The following SORCS1 variants were observed in gnomAD, a reference collection of about 807,000 sequenced individuals.
SORCS1 encodes the protein sortilin related VPS10 domain containing receptor 1.
Under a neutral mutation model 146.1 loss-of-function variants are expected in SORCS1, and 60 were observed. That is an observed-to-expected ratio of 0.41 (90% CI 0.33 to 0.51). The LOEUF (loss-of-function observed/expected upper bound fraction) is 0.51. Ranked by LOEUF, SORCS1 falls within the 20% of genes least tolerant of loss-of-function variation. SORCS1 has a pLI of 0.21. For synonymous variants in SORCS1, 637 were observed against 584.0 expected (o/e 1.09, Z -1.31); for missense variants, 1,352 against 1,487.6 (o/e 0.91, Z 1.50).
chr10:107,024,003 G>A (rs1310210497), intron 1 of SORCS1, among the ~76,000 whole-genome samples: 4 of 152,004 alleles, frequency 2.6e-5, no homozygotes, highest in South Asian at 2.1e-4. Flanking sequence ...GTGAAACCAC[G>A]TCTCTACTAA....
At chr10:106,887,407 G>A (rs1951041601) in intron 2 of SORCS1, among the ~76,000 whole-genome samples, 1 of 152,080 alleles carries the variant, frequency 6.6e-6, no homozygotes, top group Non-Finnish European at 1.5e-5. Context: ...GGATTAGAGA[G>A]TTATCAGAAA....
At chr10:106,709,365 A>T in intron 6 of SORCS1, 24 bp from the exon 7 acceptor site, 1 of 1,508,916 alleles carries the variant, frequency 6.6e-7, no homozygotes, top group Non-Finnish European at 9.2e-7. Context: ...ACAAAAACAA[A>T]AACATGGGGT....
intron 18 of SORCS1, among the ~76,000 whole-genome samples, chr10:106,631,301 C>A (rs566640242): frequency 6.6e-6 from 1 of 152,288 alleles, no homozygotes; most frequent in East Asian, 1.9e-4. Flanking sequence ...ATATCCAAAG[C>A]CCAGACATTG....
the SORCS1 span, among the ~76,000 whole-genome samples, chr10:107,171,477 G>A: frequency 1.4e-5 from 2 of 145,986 alleles, no homozygotes; most frequent in Non-Finnish European, 3.0e-5. Context: ...TTTGCAGCTT[G>A]AGAAATTAAC....
chr10:106,801,354 C>T (rs1028831202), intron 3 of SORCS1, among the ~76,000 whole-genome samples: 2 of 151,894 alleles, frequency 1.3e-5, no homozygotes, highest in Non-Finnish European at 2.9e-5. Context: ...TCTAAATGTG[C>T]TTTATATATT....
In SORCS1 at chr10:106,851,229, T is replaced by C. The variant is rs1949557618; in HGVS notation, c.627-21556A>G. Among the ~76,000 whole-genome samples, 3 of 152,356 alleles carry C rather than the reference T, an allele frequency of 2.0e-5. 1 individual carries two copies. In the South Asian group the frequency reaches 6.2e-4, roughly 32 times the overall value. Reference sequence around the variant, plus strand: ...AAGTCTGGATTACCCATTTTTTTCATAGATTGTGACTTTGGTCTTGTATGT... The same window carrying C: ...AAGTCTGGATTACCCATTTTTTTCACAGATTGTGACTTTGGTCTTGTATGT... On this transcript the variant is annotated intron_variant, in intron 2 of 25. Transcript: ENST00000263054.
chr10:106,943,312 A>T (rs1954146924), intron 2 of SORCS1, among the ~76,000 whole-genome samples: 1 of 151,762 alleles, frequency 6.6e-6, no homozygotes, highest in Non-Finnish European at 1.5e-5. Context: ...GGAACTGGGG[A>T]TCTCCTCAGT....
At chr10:106,644,848 C>A (rs545336984) in intron 18 of SORCS1, among the ~76,000 whole-genome samples, 1 of 152,142 alleles carries the variant, frequency 6.6e-6, no homozygotes, top group South Asian at 2.1e-4. Flanking sequence ...TGTAAATATA[C>A]TGTAGTTTAT....
intron 24 of SORCS1, among the ~76,000 whole-genome samples, chr10:106,589,681 T>C (rs1162334910): frequency 6.8e-6 from 1 of 147,652 alleles, no homozygotes; most frequent in South Asian, 2.1e-4. Flanking sequence ...CCACCAAATT[T>C]ATCGTCTTTG....
intron 5 of SORCS1, among the ~76,000 whole-genome samples, chr10:106,734,970 AC>A (rs1318905228): frequency 3.3e-5 from 5 of 152,018 alleles, no homozygotes; most frequent in African/African-American, 1.2e-4. Context: ...ACATGGCAAA[AC>A]CCCGTCTCTA....
chr10:107,038,029 G>A (rs1021663860), intron 1 of SORCS1, among the ~76,000 whole-genome samples: 2 of 152,072 alleles, frequency 1.3e-5, no homozygotes, highest in Non-Finnish European at 2.9e-5. Context: ...GTTTCACCAT[G>A]TTAGGCTGGT....
chr10:106,693,472 T>C (rs1853452926), intron 9 of SORCS1, among the ~76,000 whole-genome samples: 4 of 152,180 alleles, frequency 2.6e-5, no homozygotes, highest in South Asian at 2.1e-4. Flanking sequence ...ATCAGAATGT[T>C]CTACTCAAAG....
chr10:106,972,778 G>C (rs565304394), intron 1 of SORCS1, among the ~76,000 whole-genome samples: 2 of 152,188 alleles, frequency 1.3e-5, no homozygotes, highest in Non-Finnish European at 2.9e-5. Flanking sequence ...GCTAGATGCA[G>C]GTAGGGACCT....
Position 107,078,879 on chromosome 10 carries a change from G to A in SORCS1, c.558+85090C>T, listed in dbSNP as rs1267343201. Among the ~76,000 whole-genome samples the A allele has an allele frequency of 3.9e-5, 6 of 152,144 alleles. No individual in the cohort carries two copies. In the East Asian group the frequency reaches 9.6e-4, roughly 24 times the overall value. ...GTCAGCTGTCACATTTTATCTTACT[G>A]TATTTTTCACAAATTACACAAAAGG... On this transcript the variant is annotated intron_variant, in intron 1 of 25. Coordinates refer to ENST00000263054, the MANE Select transcript of SORCS1 (RefSeq NM_052918.5).
chr10:107,034,689 A>AAAC (rs1284688364), intron 1 of SORCS1, among the ~76,000 whole-genome samples: 6 of 143,872 alleles, frequency 4.2e-5, no homozygotes, highest in South Asian at 2.2e-4. Context: ...TCAAAAAAAA[A>AAAC]AAAAAAAAAA....
At chr10:106,963,109 AATTTTTTT>A (rs2139086813) in intron 1 of SORCS1, among the ~76,000 whole-genome samples, 1 of 62,078 alleles carries the variant, frequency 1.6e-5, no homozygotes, top group African/African-American at 4.7e-5. Context: ...CAATGGCCAG[AATTTTTTT>A]TTTTTTTTTT....
intron 17 of SORCS1, among the ~76,000 whole-genome samples, chr10:106,664,402 G>T (rs9421000): frequency 0.66 from 99,720 of 152,004 alleles, 37,127 homozygotes; most frequent in Non-Finnish European, 0.85. Flanking sequence ...CAGCACTTTG[G>T]GAGGCTGAGG....
chr10:106,602,933 T>C (rs1334110912), intron 23 of SORCS1, among the ~76,000 whole-genome samples: 1 of 152,218 alleles, frequency 6.6e-6, no homozygotes, highest in Non-Finnish European at 1.5e-5. Context: ...CTGCCTTTCC[T>C]TTCTTCCTTA....
intron 18 of SORCS1, among the ~76,000 whole-genome samples, chr10:106,640,646 C>T (rs1006188194): frequency 6.6e-6 from 1 of 152,180 alleles, no homozygotes; most frequent in African/African-American, 2.4e-5. Context: ...GGGCCTTTGC[C>T]ATTTATCCTG....
Sources: allele counts gnomAD v4.1 joint callset (sites outside exome capture counted in the v4.1 genomes callset), GRCh38; gene constraint gnomAD v4.1.1; transcripts MANE v1.5; gene names NCBI Gene and HGNC (gene_info 2026-07-23, HGNC 2026-07-21).